SLC25A42: variants seen among roughly 807,000 people sequenced by gnomAD.
The protein encoded by SLC25A42 is mitochondrial coenzyme A transporter SLC25A42.
Under a neutral mutation model 34.7 loss-of-function variants are expected in SLC25A42, and 19 were observed. The observed-to-expected ratio is 0.55, with a 90% CI of 0.38 to 0.80. The LOEUF is 0.80. Among genes scored for constraint, SLC25A42 ranks in the 30% least tolerant of loss-of-function variants. SLC25A42 has a pLI of 0.00. For missense variants in SLC25A42, 364 were observed against 441.3 expected (o/e 0.82, Z 1.57); for synonymous variants, 205 against 191.2 (o/e 1.07, Z -0.59).
At chr19:19,098,058 G>A (rs951961966) in intron 2 of SLC25A42, among the ~76,000 whole-genome samples, 3 of 152,150 alleles carry the variant, frequency 2.0e-5, no homozygotes, top group African/African-American at 4.8e-5. Context: ...CAGCTGCCTG[G>A]CCGACAAATC....
At chr19:19,090,094 T>C (rs938959558) in intron 1 of SLC25A42, among the ~76,000 whole-genome samples, 3 of 152,188 alleles carry the variant, frequency 2.0e-5, no homozygotes, top group Admixed American at 6.5e-5. Flanking sequence ...TCCTATTTTA[T>C]AGAAATCATC....
At chr19:19,107,612 C>T (rs2059838430) in intron 6 of SLC25A42, among the ~76,000 whole-genome samples, 1 of 152,088 alleles carries the variant, frequency 6.6e-6, no homozygotes, top group Non-Finnish European at 1.5e-5. Flanking sequence ...GCCTGGGCAA[C>T]AGAGGGAGAC....
At chr19:19,106,162 C>A in intron 5 of SLC25A42, 107 bp from the exon 6 acceptor site, 1 of 948,760 alleles carries the variant, frequency 1.1e-6, no homozygotes, top group Non-Finnish European at 1.6e-6. Context: ...CCTCGGTCCC[C>A]ACCCCTGTCC....
At chr19:19,089,360 T>C (rs1274173801) in intron 1 of SLC25A42, among the ~76,000 whole-genome samples, 2 of 151,820 alleles carry the variant, frequency 1.3e-5, no homozygotes, top group African/African-American at 4.8e-5. Context: ...ACCCCATCTC[T>C]AGTAAAAGTA....
intron 2 of SLC25A42, among the ~76,000 whole-genome samples, chr19:19,097,326 C>A (rs1287290528): frequency 6.6e-6 from 1 of 152,210 alleles, no homozygotes; most frequent in Non-Finnish European, 1.5e-5. Context: ...AGGACTCATT[C>A]ACCGGGGTCA....
chr19:19,106,204 G>A, intron 5 of SLC25A42, 65 bp from the exon 6 acceptor site: 3 of 1,400,210 alleles, frequency 2.1e-6, no homozygotes, highest in Non-Finnish European at 3.0e-6. Context: ...GGTGCTCCAG[G>A]CTGGGCCTCT....
At chr19:19,067,021 CAAAAA>C (rs11419955) in intron 1 of SLC25A42, among the ~76,000 whole-genome samples, 2 of 115,702 alleles carry the variant, frequency 1.7e-5, no homozygotes, top group Admixed American at 9.3e-5. Flanking sequence ...GACCCTGTCT[CAAAAA>C]AAAAAAAAAA....
At chr19:19,083,364 A>G (rs1450763704) in intron 1 of SLC25A42, among the ~76,000 whole-genome samples, 2 of 152,214 alleles carry the variant, frequency 1.3e-5, no homozygotes, top group African/African-American at 4.8e-5. Context: ...CCCTTTTGTC[A>G]TGTAAGATCA....
chr19:19,095,606 C>T (rs2059760200), intron 1 of SLC25A42, among the ~76,000 whole-genome samples: 1 of 152,150 alleles, frequency 6.6e-6, no homozygotes, highest in Admixed American at 6.5e-5. Context: ...GAGTGAGACT[C>T]CGTCTCAAAA....
intron 1 of SLC25A42, among the ~76,000 whole-genome samples, chr19:19,094,430 TGG>T (rs1274946891): frequency 6.6e-6 from 1 of 152,222 alleles, no homozygotes; most frequent in Admixed American, 6.5e-5. Flanking sequence ...GTTCTTTCGG[TGG>T]GTGCCCATGA....
intron 1 of SLC25A42, among the ~76,000 whole-genome samples, chr19:19,074,262 G>A (rs188407494): frequency 2.6e-5 from 4 of 152,316 alleles, no homozygotes; most frequent in Non-Finnish European, 4.4e-5. Flanking sequence ...GCACACAGGA[G>A]CAAATGCAGC....
chr19:19,101,260 A>G (rs973705461), intron 2 of SLC25A42, among the ~76,000 whole-genome samples: 3 of 151,826 alleles, frequency 2.0e-5, no homozygotes, highest in Admixed American at 6.6e-5. Flanking sequence ...TGTCACTGTC[A>G]CCCCCTCAAC....
intron 1 of SLC25A42, among the ~76,000 whole-genome samples, chr19:19,088,800 T>A (rs2059722722): frequency 6.6e-6 from 1 of 151,538 alleles, no homozygotes; most frequent in African/African-American, 2.4e-5. Context: ...GCCCGGCCTT[T>A]TTTTTTTCGT....
intron 1 of SLC25A42, among the ~76,000 whole-genome samples, chr19:19,071,469 G>T (rs1262485644): frequency 6.6e-6 from 1 of 152,150 alleles, no homozygotes; most frequent in East Asian, 1.9e-4. Context: ...AGAAGCTGGG[G>T]TGCTACGGTC....
At chr19:19,075,063 A>G (rs1408703027) in intron 1 of SLC25A42, among the ~76,000 whole-genome samples, 1 of 152,036 alleles carries the variant, frequency 6.6e-6, no homozygotes, top group African/African-American at 2.4e-5. Context: ...TAAGGTGGAA[A>G]GATCACCTGA....
intron 3 of SLC25A42, 63 bp downstream of exon 3, chr19:19,101,949 C>A: frequency 9.7e-7 from 1 of 1,032,910 alleles, no homozygotes; most frequent in Non-Finnish European, 1.5e-6. Flanking sequence ...TCCTTCATGG[C>A]CCCCAAACCA....
At chr19:19,064,383 G>T (rs944728859) in intron 1 of SLC25A42, among the ~76,000 whole-genome samples, 3 of 149,974 alleles carry the variant, frequency 2.0e-5, no homozygotes, top group Non-Finnish European at 4.4e-5. Flanking sequence ...CCTTGTCCCC[G>T]GCGCCCCGCA....
rs528645385 is a variant in SLC25A42, at chr19:19,093,903, C to T, written c.-34-2188C>T. Among the ~76,000 whole-genome samples, 6 of 152,298 alleles carry T rather than the reference C, an allele frequency of 3.9e-5. No individual in the cohort carries two copies. In the East Asian group the frequency reaches 9.6e-4, roughly 24 times the overall value. ...AGGTTGGCCAGGCTGGTCTTAAACT[C>T]CTGAGCTCGTGATCTGCCCGCCTCA... On this transcript the variant is annotated intron_variant, in intron 1 of 7. Transcript: ENST00000318596.
intron 2 of SLC25A42, among the ~76,000 whole-genome samples, chr19:19,099,778 A>G (rs543660683): frequency 6.6e-6 from 1 of 151,642 alleles, no homozygotes; most frequent in South Asian, 2.1e-4. Context: ...CCCTGTCTGG[A>G]GAATAGTGGT....
Sources: gnomAD v4.1 joint callset for allele counts (sites outside exome capture counted in the v4.1 genomes callset) on GRCh38, gnomAD v4.1.1 for gene constraint, MANE v1.5 for transcripts, NCBI Gene and HGNC (gene_info 2026-07-23, HGNC 2026-07-21) for gene names.